The following DPP6 variants were observed in gnomAD, a reference collection of about 807,000 sequenced individuals.
The protein encoded by DPP6 is A-type potassium channel modulatory protein DPP6.
Under a neutral mutation model 122.6 loss-of-function variants are expected in DPP6, and 69 were observed. The observed-to-expected ratio is 0.56, with a 90% CI of 0.46 to 0.69. DPP6 has a LOEUF of 0.69. Among genes scored for constraint, DPP6 ranks in the 30% least tolerant of loss-of-function variants. The pLI is 0.00. For synonymous variants in DPP6, 418 were observed against 433.1 expected (o/e 0.97, Z 0.43); for missense variants, 928 against 1,116.9 (o/e 0.83, Z 2.41).
chr7:154,163,627 G>A (rs1486734864), intron 1 of DPP6, among the ~76,000 whole-genome samples: 3 of 152,080 alleles, frequency 2.0e-5, no homozygotes, highest in South Asian at 2.1e-4. Flanking sequence ...CAATAAGATC[G>A]CCAGATTTGC....
chr7:154,885,836 A>C lies in DPP6; in HGVS notation c.2245+92A>C, dbSNP rs1233297992. 4.1e-6 allele frequency: 6 copies of C among 1,479,292 alleles called. No individual in the cohort carries two copies. In the East Asian group the frequency reaches 1.3e-4, roughly 32 times the overall value. The allele number at this position is 1,479,292 out of a possible 1,614,324, so 91.6% of individuals were successfully genotyped here. A position where few individuals can be genotyped will look rare whatever the true frequency, so the allele number is the denominator to read the frequency against. Reference sequence around the variant, plus strand: ...GCCCCACAGCCCTCCCTTCAGCACCACCGTCCCGCTAACCACAGGTGCCTC... The same window carrying C: ...GCCCCACAGCCCTCCCTTCAGCACCCCCGTCCCGCTAACCACAGGTGCCTC... On this transcript the variant is annotated intron_variant, in intron 22 of 25. Transcript: ENST00000377770.
At chr7:154,346,900 C>G (rs564907640) in intron 1 of DPP6, among the ~76,000 whole-genome samples, 1 of 152,132 alleles carries the variant, frequency 6.6e-6, no homozygotes, top group Non-Finnish European at 1.5e-5. Flanking sequence ...AGTGAACTTT[C>G]GCCCAGAGTA....
intron 2 of DPP6, among the ~76,000 whole-genome samples, chr7:154,450,938 T>C (rs1484954098): frequency 6.6e-6 from 1 of 152,212 alleles, no homozygotes; most frequent in Non-Finnish European, 1.5e-5. Context: ...AGATTCGATC[T>C]TGTGGTTGTC....
chr7:153,911,170 A>G (rs1800075869), intron 1 of DPP6, among the ~76,000 whole-genome samples: 1 of 152,130 alleles, frequency 6.6e-6, no homozygotes, highest in South Asian at 2.1e-4. Context: ...ATTGAGTCTT[A>G]TTGAGTCCCA....
intron 1 of DPP6, among the ~76,000 whole-genome samples, chr7:153,995,004 A>G (rs2907719): frequency 2.0e-5 from 3 of 152,372 alleles, no homozygotes; most frequent in East Asian, 3.9e-4. Flanking sequence ...CTTCAAAAGT[A>G]CAATGTCTTT....
intron 1 of DPP6, among the ~76,000 whole-genome samples, chr7:153,896,184 T>C (rs1479528663): frequency 2.0e-5 from 3 of 152,238 alleles, no homozygotes; most frequent in African/African-American, 7.2e-5. Flanking sequence ...TTTAAATAAT[T>C]CTCATTTTAT....
chr7:154,386,345 G>T (rs1003112888), intron 1 of DPP6, among the ~76,000 whole-genome samples: 3 of 151,992 alleles, frequency 2.0e-5, no homozygotes, highest in African/African-American at 7.3e-5. Flanking sequence ...CCATGAGTAG[G>T]AGGAGGTCAC....
chr7:154,358,507 G>C (rs1811458702), intron 1 of DPP6, among the ~76,000 whole-genome samples: 1 of 152,308 alleles, frequency 6.6e-6, no homozygotes, highest in South Asian at 2.1e-4. Context: ...AGAGATACAG[G>C]TGGAAGTAAG....
At chr7:154,322,385 C>A (rs1451975020) in intron 1 of DPP6, among the ~76,000 whole-genome samples, 1 of 152,200 alleles carries the variant, frequency 6.6e-6, no homozygotes, top group Admixed American at 6.5e-5. Context: ...CCAGACCCCA[C>A]CATGCTCTGA....
chr7:154,763,439 G>A (rs527312757), intron 8 of DPP6, among the ~76,000 whole-genome samples: 40 of 152,248 alleles, frequency 2.6e-4, no homozygotes, highest in African/African-American at 8.9e-4. Flanking sequence ...GCTTGCTGCC[G>A]AGGGAAGAGA....
chr7:154,667,177 T>C (rs1405928653), intron 6 of DPP6, among the ~76,000 whole-genome samples: 2 of 152,174 alleles, frequency 1.3e-5, no homozygotes, highest in Admixed American at 6.6e-5. Context: ...TTTTATCTTT[T>C]TTTTTTATAA....
chr7:154,061,999 T>G (rs1252936804), intron 1 of DPP6, among the ~76,000 whole-genome samples: 6 of 122,958 alleles, frequency 4.9e-5, no homozygotes, highest in Admixed American at 2.5e-4. Flanking sequence ...CCCTGGCTGT[T>G]GGTACCCCCA....
chr7:154,864,387 C>T (rs933082562), intron 17 of DPP6, among the ~76,000 whole-genome samples: 2 of 152,204 alleles, frequency 1.3e-5, no homozygotes, highest in African/African-American at 4.8e-5. Context: ...GAAGCAGCCT[C>T]ATGAGCAGGC....
In DPP6 at chr7:154,403,587, C is replaced by CA. The variant is rs1002792476; in HGVS notation, c.244-42626dup. On this transcript the variant is annotated intron_variant, in intron 1 of 25. Transcript: ENST00000377770. The surrounding 1 kb of genome is among the most constrained non-coding windows in gnomAD (Gnocchi z 4.1). Reference sequence around the variant, plus strand: ...GGGAAAGCAAAGAGCACTGGGCAATCACGCCTTTCTCTGCTGTCTGCACGT... The same window carrying CA: ...GGGAAAGCAAAGAGCACTGGGCAATCAACGCCTTTCTCTGCTGTCTGCACGT... Among the ~76,000 whole-genome samples, 33 of 152,330 alleles carry CA rather than the reference C, an allele frequency of 2.2e-4. No individual in the cohort carries two copies. Among genetic ancestry groups the CA allele is most frequent in the African/African-American group, 7.9e-4 (33 of 41,582 alleles).
chr7:154,409,612 T>C (rs768487290), intron 1 of DPP6, among the ~76,000 whole-genome samples: 11 of 152,218 alleles, frequency 7.2e-5, no homozygotes, highest in Non-Finnish European at 1.5e-4. Context: ...GGTTCCTCTG[T>C]CCTCTTAGCA....
intron 2 of DPP6, among the ~76,000 whole-genome samples, chr7:154,472,587 T>C (rs1822373332): frequency 6.6e-6 from 1 of 152,242 alleles, no homozygotes; most frequent in Non-Finnish European, 1.5e-5. Context: ...TCTGTGAGCT[T>C]GTATAAGGCC....
chr7:154,305,335 TAC>T, intron 1 of DPP6: 4 of 1,024,756 alleles, frequency 3.9e-6, no homozygotes, highest in Non-Finnish European at 4.7e-6. Flanking sequence ...TCGTCTTGTC[TAC>T]CCACCCTCCC....
intron 1 of DPP6, among the ~76,000 whole-genome samples, chr7:153,904,790 G>A (rs545187181): frequency 6.6e-6 from 1 of 152,286 alleles, no homozygotes; most frequent in South Asian, 2.1e-4. Context: ...ACATTGTAAG[G>A]GCCAAGGGAA....
At chr7:154,030,032 C>T (rs1282070862) in intron 1 of DPP6, among the ~76,000 whole-genome samples, 1 of 152,034 alleles carries the variant, frequency 6.6e-6, no homozygotes, top group Non-Finnish European at 1.5e-5. Flanking sequence ...CCCATCTCTA[C>T]TAAAAATACA....
Sources: allele counts gnomAD v4.1 joint callset (sites outside exome capture counted in the v4.1 genomes callset), GRCh38; gene constraint gnomAD v4.1.1; non-coding constraint Gnocchi (gnomAD v3.1); transcripts MANE v1.5; gene names NCBI Gene and HGNC (gene_info 2026-07-23, HGNC 2026-07-21).